Variants in TJP1 observed in about 807,000 individuals in gnomAD.
TJP1 encodes the protein tight junction protein ZO-1.
TJP1 carries 43 observed loss-of-function variants against 194.2 expected under a neutral mutation model. That is an observed-to-expected ratio of 0.22 (90% CI 0.17 to 0.29). TJP1 has a LOEUF of 0.29. Ranked by LOEUF, TJP1 falls within the 10% of genes least tolerant of loss-of-function variation. TJP1 has a pLI of 1.00. For synonymous variants in TJP1, 801 were observed against 779.0 expected, an observed-to-expected ratio of 1.03 and a Z score of -0.47; for missense variants, 1,971 against 2,185.7, an observed-to-expected ratio of 0.90 and a Z score of 1.96.
intron 4 of TJP1, among the ~76,000 whole-genome samples, chr15:29,767,637 C>T (rs2046405574): frequency 6.6e-6 from 1 of 152,086 alleles, no homozygotes; most frequent in Non-Finnish European, 1.5e-5. Context: ...ATCCTTTCAT[C>T]TACATATTGT....
At chr15:29,709,343 C>A (rs2042100767) in intron 24 of TJP1, among the ~76,000 whole-genome samples, 1 of 152,168 alleles carries the variant, frequency 6.6e-6, no homozygotes, top group South Asian at 2.1e-4. Flanking sequence ...AATAAGGATA[C>A]TCACTATTAA....
At chr15:29,841,217 C>T (rs1242647514) in intron 2 of TJP1, among the ~76,000 whole-genome samples, 2 of 152,148 alleles carry the variant, frequency 1.3e-5, no homozygotes, top group Non-Finnish European at 2.9e-5. Context: ...GGCTAGGGTT[C>T]AAGCTGAAAC....
At chr15:29,714,280 C>A (rs1436103071) in intron 23 of TJP1, among the ~76,000 whole-genome samples, 1 of 152,066 alleles carries the variant, frequency 6.6e-6, no homozygotes, top group Non-Finnish European at 1.5e-5. Context: ...GCTCTGTCGC[C>A]CAGACTGGAG....
At chr15:29,781,352 C>T (rs2047360131) in intron 2 of TJP1, among the ~76,000 whole-genome samples, 1 of 152,044 alleles carries the variant, frequency 6.6e-6, no homozygotes, top group African/African-American at 2.4e-5. Context: ...CTAAAAAAAA[C>T]CCCAGGACCA....
Position 29,706,460 on chromosome 15 carries a change from A to G in TJP1, c.4851-715T>C, listed in dbSNP as rs372177956. 7.2e-5 allele frequency among the ~76,000 whole-genome samples: 11 copies of G among 152,270 alleles called. No homozygotes were observed. The South Asian group carries it at 8.3e-4, about 11-fold the overall frequency. On this transcript the variant is annotated intron_variant, in intron 25 of 27. Coordinates refer to ENST00000614355, the MANE Select transcript of TJP1 (RefSeq NM_001330239.4). ...AACTTTTTTTTGAGTGTCAAAATGA[A>G]GCTCAAAGGAAATGCTCATTGGAGC...
intron 2 of TJP1, among the ~76,000 whole-genome samples, chr15:29,936,644 T>C (rs995530144): frequency 4.6e-5 from 7 of 152,340 alleles, no homozygotes; most frequent in African/African-American, 1.4e-4. Flanking sequence ...ACTGCACTCA[T>C]GTCCAATCAG....
chr15:29,737,646 T>A lies in TJP1; in HGVS notation c.1257-232A>T, dbSNP rs45522632. 2.0e-3 allele frequency among the ~76,000 whole-genome samples: 308 copies of A among 152,324 alleles called. 1 individual carries two copies. The highest frequency in any genetic ancestry group is 7.0e-3 in the African/African-American group (292 of 41,564). On this transcript the variant is annotated intron_variant, in intron 10 of 27. Transcript: ENST00000614355. ...TTCAAATTTAATATGCAAGTACTAT[T>A]TTACATAACTAATTTATAAAATTAC...
Position 29,761,606 on chromosome 15 carries a change from C to G in TJP1, c.857G>C (p.Arg286Thr). Residue 286 changes from arginine (R) to threonine (T), a missense_variant, in exon 7 of 28, where the codon AGA becomes ACA. Arg to Thr is a moderately conservative substitution (Grantham distance 71). This residue lies in a region of TJP1 where 192 missense variants were observed against 182.3 expected (regional missense o/e 1.05). Coordinates refer to ENST00000614355, the MANE Select transcript of TJP1 (RefSeq NM_001330239.4). ...TCAAACAGAATCACACTCACCGTCT[C>G]TCTCAGAGGCATTAGCAGAGTGGAT... The part of the protein sequence containing the change: ...DSIHSANASE[R>T]DDISEIQSLA... 2 of 1,596,424 alleles carry G rather than the reference C, an allele frequency of 1.3e-6. No homozygotes were observed. Among genetic ancestry groups the G allele is most frequent in the Non-Finnish European group, 1.7e-6 (2 of 1,166,294 alleles).
At chr15:29,829,982 C>T (rs1367277697) in intron 2 of TJP1, among the ~76,000 whole-genome samples, 1 of 150,894 alleles carries the variant, frequency 6.6e-6, no homozygotes, top group Non-Finnish European at 1.5e-5. Flanking sequence ...ACCACTTTGG[C>T]TCTGGAAACA....
Position 29,708,734 on chromosome 15 carries a change from G to A in TJP1, c.4675C>T (p.His1559Tyr), listed in dbSNP as rs1472004412. The A allele has an allele frequency of 6.2e-7, 1 of 1,614,148 alleles. No individual in the cohort carries two copies. The highest frequency in any genetic ancestry group is 8.5e-7 in the Non-Finnish European group (1 of 1,180,056). ...NHNLLPSETA[H>Y]KPDLSSKTPT... ...GTTTTTGAAGACAAGTCAGGTTTAT[G>A]TGCAGTTTCACTTGGCAGAAGATTG... The change falls in exon 25 of 28, where the codon CAT (histidine) becomes TAT (tyrosine). Residue 1559 changes from histidine to tyrosine, a missense_variant. This residue lies in a region of TJP1 where 1,108 missense variants were observed against 1,128.5 expected (regional missense o/e 0.98). Coordinates refer to ENST00000614355, the MANE Select transcript of TJP1 (RefSeq NM_001330239.4).
intron 2 of TJP1, among the ~76,000 whole-genome samples, chr15:29,829,224 C>T (rs947940043): frequency 4.6e-5 from 7 of 152,144 alleles, no homozygotes; most frequent in African/African-American, 1.7e-4. Context: ...GAAAACTAAA[C>T]GATTAACGTG....
intron 2 of TJP1, among the ~76,000 whole-genome samples, chr15:29,950,224 T>C (rs1487207928): frequency 5.2e-5 from 4 of 77,302 alleles, no homozygotes; most frequent in Admixed American, 1.3e-4. Context: ...TTACCACCGC[T>C]ACCTCCACCA....
chr15:29,828,085 C>T lies in TJP1; in HGVS notation c.307-27383G>A, dbSNP rs79851295. 4.7e-3 allele frequency among the ~76,000 whole-genome samples: 714 copies of T among 152,220 alleles called. 30 individuals carry two copies. In the East Asian group the frequency reaches 0.097, roughly 21 times the overall value. On this transcript the variant is annotated intron_variant, in intron 2 of 28. Transcript: ENST00000356107. ...CATTCCTATAATTACCCAGGAATAC[C>T]ATGATCTAAGCCTAACTAGAGAGTG... is the stretch of plus-strand genomic sequence containing the variant.
chr15:29,734,709 C>T (rs1426912738), intron 11 of TJP1, among the ~76,000 whole-genome samples: 1 of 152,088 alleles, frequency 6.6e-6, no homozygotes, highest in Non-Finnish European at 1.5e-5. Context: ...TGGTCTCAAA[C>T]TCCTGACCTC....
intron 2 of TJP1, among the ~76,000 whole-genome samples, chr15:29,869,575 A>T (rs1441729353): frequency 2.0e-5 from 3 of 152,198 alleles, no homozygotes; most frequent in Non-Finnish European, 4.4e-5. Context: ...TGCAATCCCA[A>T]GTTCATCCTT....
At chr15:29,708,424 T>A in intron 25 of TJP1, 135 bp downstream of exon 25, 1 of 736,536 alleles carries the variant, frequency 1.4e-6, no homozygotes. Context: ...GTAACAGCAT[T>A]CATTGCAACA....
rs758974761 is a variant in TJP1, at chr15:29,708,928, G to A, written c.4481C>T (p.Ala1494Val). The change falls in exon 25 of 28, where the codon GCT (alanine) becomes GTT (valine). Residue 1494 changes from alanine to valine, a missense_variant. By Grantham distance (64) the Ala-to-Val change is moderately conservative. Coordinates refer to ENST00000614355, the MANE Select transcript of TJP1 (RefSeq NM_001330239.4). The stretch of plus-strand genomic sequence containing the variant: ...TTTCTGGGGATAGAAAGCTGCCTGA[G>A]CAGTATCTTCTCGGTTTGGTGGTCT... ...TFRPPNREDTAQAAFYPQKSF... is the reference protein window; with the variant it reads ...TFRPPNREDTVQAAFYPQKSF... 6.2e-7 allele frequency: 1 copy of A among 1,614,132 alleles called. No homozygotes were observed. Among genetic ancestry groups the A allele is most frequent in the African/African-American group, 1.3e-5 (1 of 75,014 alleles).
rs868750783 is a variant in TJP1, at chr15:29,718,203, G to C, written c.3876+63C>G. On this transcript the variant is annotated intron_variant, in intron 21 of 27. Coordinates refer to ENST00000614355, the MANE Select transcript of TJP1 (RefSeq NM_001330239.4). The stretch of plus-strand genomic sequence containing the variant: ...AATAGATATCATGTAATGGCGGAGG[G>C]GAGAGCCAAGAAGCCTTTTAAACGG... 4.4e-6 allele frequency: 7 copies of C among 1,593,124 alleles called. No individual in the cohort carries two copies. The Middle Eastern group carries it at 1.2e-3, about 270-fold the overall frequency.
chr15:29,738,943 C>T (rs931288827), intron 10 of TJP1, among the ~76,000 whole-genome samples: 1 of 148,740 alleles, frequency 6.7e-6, no homozygotes, highest in Non-Finnish European at 1.5e-5. Flanking sequence ...ACTCCGAAGG[C>T]TGAGGTGGGA....
Sources: gnomAD v4.1 joint callset for allele counts (sites outside exome capture counted in the v4.1 genomes callset) on GRCh38, gnomAD v4.1.1 for gene constraint, gnomAD v4.1.1 regional missense constraint, MANE v1.5 for transcripts, NCBI Gene and HGNC (gene_info 2026-07-23, HGNC 2026-07-21) for gene names.